Variants in UNC5C observed in about 807,000 individuals in gnomAD.
UNC5C encodes netrin receptor UNC5C.
A neutral mutation model predicts 99.8 loss-of-function variants in UNC5C; 47 were observed. The observed-to-expected ratio is 0.47, with a 90% confidence interval of 0.37 to 0.60. The LOEUF (loss-of-function observed/expected upper bound fraction) is 0.60. Among genes scored for constraint, UNC5C ranks in the 20% least tolerant of loss-of-function variants. UNC5C has a pLI of 0.00. For synonymous variants in UNC5C, 487 were observed against 452.2 expected, an observed-to-expected ratio of 1.08 and a Z score of -0.98; for missense variants, 1,062 against 1,165.9, an observed-to-expected ratio of 0.91 and a Z score of 1.30.
intron 4 of UNC5C, among the ~76,000 whole-genome samples, chr4:95,268,228 C>G (rs1371991830): frequency 6.6e-6 from 1 of 152,124 alleles, no homozygotes; most frequent in African/African-American, 2.4e-5. Context: ...CGTGAGCCAC[C>G]GCGCCCGGCC....
chr4:95,525,976 G>C (rs1722489304), intron 1 of UNC5C, among the ~76,000 whole-genome samples: 1 of 152,090 alleles, frequency 6.6e-6, no homozygotes, highest in African/African-American at 2.4e-5. Context: ...AATTCGAATA[G>C]GCTTAATGAA....
intron 1 of UNC5C, among the ~76,000 whole-genome samples, chr4:95,455,409 A>G (rs545748273): frequency 1.3e-5 from 2 of 152,204 alleles, no homozygotes; most frequent in South Asian, 2.1e-4. Flanking sequence ...TGGAACACAC[A>G]TAGAATCCCA....
intron 1 of UNC5C, among the ~76,000 whole-genome samples, chr4:95,337,734 T>C (rs1047960102): frequency 6.6e-6 from 1 of 152,044 alleles, no homozygotes; most frequent in Non-Finnish European, 1.5e-5. Context: ...TTCACACAGT[T>C]ATTGATTTTT....
At chr4:95,473,689 ATT>A (rs1287348780) in intron 1 of UNC5C, among the ~76,000 whole-genome samples, 5 of 152,116 alleles carry the variant, frequency 3.3e-5, no homozygotes, top group Admixed American at 1.3e-4. Flanking sequence ...ACACAGGCAG[ATT>A]TTCAGTCAGT....
intron 1 of UNC5C, among the ~76,000 whole-genome samples, chr4:95,492,221 AATTT>A (rs1430256143): frequency 1.3e-4 from 19 of 151,418 alleles, no homozygotes; most frequent in African/African-American, 3.6e-4. Context: ...TATCTTAATT[AATTT>A]ATTGTTTTCT....
chr4:95,531,178 A>C (rs901623716), intron 1 of UNC5C, among the ~76,000 whole-genome samples: 2 of 152,202 alleles, frequency 1.3e-5, no homozygotes, highest in African/African-American at 4.8e-5. Context: ...TATTCTTTTA[A>C]GACTGTTTTC....
At position 95,185,067 on chromosome 4, in the gene UNC5C, T is replaced by G; in HGVS notation, c.2266A>C (p.Lys756Gln). Residue 756 changes from lysine to glutamine, a missense_variant, in exon 13 of 16, where the codon AAA (lysine) becomes CAA (glutamine). Lys to Gln is a moderately conservative substitution (Grantham distance 53). Transcript: ENST00000453304. Reference protein sequence around the residue: ...HDIAHSLWKSKLLAKYQEIPF... With the variant: ...HDIAHSLWKSQLLAKYQEIPF... ...CTTACCTGATATTTAGCCAGCAATT[T>G]GCTCTTCCAGAGGGAATGGGCGATA... 6.2e-7 allele frequency: 1 copy of G among 1,611,812 alleles called. No individual in the cohort carries two copies. Among genetic ancestry groups the G allele is most frequent in the East Asian group, 2.2e-5 (1 of 44,840 alleles).
intron 1 of UNC5C, among the ~76,000 whole-genome samples, chr4:95,482,499 C>G (rs1199407076): frequency 1.3e-5 from 2 of 148,678 alleles, no homozygotes; most frequent in Admixed American, 1.3e-4. Context: ...CCCAGCCATC[C>G]CATTACTGGG....
chr4:95,412,272 A>G (rs1746013181), intron 1 of UNC5C, among the ~76,000 whole-genome samples: 1 of 152,102 alleles, frequency 6.6e-6, no homozygotes, highest in Non-Finnish European at 1.5e-5. Flanking sequence ...CCACGTTAAT[A>G]TCGCTCCACA....
At chr4:95,417,950 A>T (rs1191017224) in intron 1 of UNC5C, among the ~76,000 whole-genome samples, 11 of 152,210 alleles carry the variant, frequency 7.2e-5, no homozygotes, top group Non-Finnish European at 1.0e-4. Context: ...AGCATCAGTT[A>T]GACTCTTGCT....
At chr4:95,196,735 TTATATTTATGTAATATATAATATA>T (rs1263254776) in intron 12 of UNC5C, among the ~76,000 whole-genome samples, 1 of 84,200 alleles carries the variant, frequency 1.2e-5, no homozygotes, top group African/African-American at 5.1e-5. Flanking sequence ...CAAATATATA[TTATATTTATGTAATATATAATATA>T]TATATTATAT....
In UNC5C at chr4:95,461,320, G is replaced by C. The variant is rs1286771375; in HGVS notation, c.124+87414C>G. On this transcript the variant is annotated intron_variant, in intron 1 of 15. Transcript: ENST00000453304. The stretch of plus-strand genomic sequence containing the variant: ...TTCCAACATGAAGCACAAGGCAAGA[G>C]CAAGTTGAATAGATGACAAAGGAGA... Among the ~76,000 whole-genome samples the C allele has an allele frequency of 3.1e-5, 3 of 97,470 alleles. 1 individual carries two copies. The highest frequency in any genetic ancestry group is 5.1e-5 in the African/African-American group (1 of 19,712). 63.9% of individuals were successfully genotyped at this position (97,470 alleles called of 152,430 possible).
chr4:95,398,194 T>C (rs1472353646), intron 1 of UNC5C, among the ~76,000 whole-genome samples: 1 of 152,060 alleles, frequency 6.6e-6, no homozygotes, highest in Admixed American at 6.6e-5. Context: ...ACTTACCTGA[T>C]TCATCAAAAC....
chr4:95,319,761 T>G (rs911124614), intron 2 of UNC5C, among the ~76,000 whole-genome samples: 1 of 152,128 alleles, frequency 6.6e-6, no homozygotes, highest in Admixed American at 6.5e-5. Flanking sequence ...TTGTGGAAAT[T>G]TTTAACTAAA....
chr4:95,314,783 T>C (rs1742411394), intron 2 of UNC5C, among the ~76,000 whole-genome samples: 1 of 152,168 alleles, frequency 6.6e-6, no homozygotes, highest in African/African-American at 2.4e-5. Flanking sequence ...TGCAAAAACA[T>C]CAAAACATGA....
intron 1 of UNC5C, among the ~76,000 whole-genome samples, chr4:95,401,007 CT>C (rs1745676913): frequency 6.6e-6 from 1 of 152,126 alleles, no homozygotes; most frequent in Admixed American, 6.5e-5. Context: ...TTCTCATTTT[CT>C]TTTATTTTAA....
chr4:95,182,818 G>T (rs1057430354), intron 14 of UNC5C, 79 bp downstream of exon 14: 2 of 1,478,090 alleles, frequency 1.4e-6, no homozygotes, highest in Admixed American at 1.9e-5. Flanking sequence ...ACTATGTTGA[G>T]ATACCCTTTT....
chr4:95,240,779 G>A (rs989045918), intron 7 of UNC5C, among the ~76,000 whole-genome samples: 4 of 152,144 alleles, frequency 2.6e-5, no homozygotes, highest in Admixed American at 6.5e-5. Flanking sequence ...AAATGATCTA[G>A]AAGCTAAGGG....
intron 5 of UNC5C, among the ~76,000 whole-genome samples, chr4:95,249,100 A>G (rs924932762): frequency 2.0e-5 from 3 of 152,222 alleles, no homozygotes; most frequent in Non-Finnish European, 4.4e-5. Context: ...TATTCTGTAC[A>G]GTAACACAGT....
Sources: gnomAD v4.1 joint callset for allele counts (sites outside exome capture counted in the v4.1 genomes callset) on GRCh38, gnomAD v4.1.1 for gene constraint, MANE v1.5 for transcripts, NCBI Gene and HGNC (gene_info 2026-07-23, HGNC 2026-07-21) for gene names.